Variants in LEMD1 observed in about 807,000 individuals in gnomAD.
LEMD1 encodes LEM domain containing 1.
A neutral mutation model predicts 17.4 loss-of-function variants in LEMD1; 18 were observed. The observed-to-expected ratio is 1.04, with a 90% confidence interval of 0.72 to 1.54. The LOEUF is 1.54. Among genes scored for constraint, LEMD1 ranks in the 40% most tolerant of loss-of-function variants. The probability of loss-of-function intolerance (pLI) is 0.00; values close to 1 mark genes in which losing one functional copy is unlikely to be tolerated. For synonymous variants in LEMD1, 88 were observed against 77.8 expected (o/e 1.13, Z -0.69); for missense variants, 195 against 210.4 (o/e 0.93, Z 0.45).
At chr1:205,396,666 G>A (rs1479644915) in intron 4 of LEMD1, among the ~76,000 whole-genome samples, 1 of 152,134 alleles carries the variant, frequency 6.6e-6, no homozygotes, top group Non-Finnish European at 1.5e-5. Flanking sequence ...GATGCTGCAT[G>A]GTAAGGGAAG....
chr1:205,390,082 A>T, intron 4 of LEMD1, among the ~76,000 whole-genome samples: 1 of 151,970 alleles, frequency 6.6e-6, no homozygotes, highest in East Asian at 1.9e-4. Context: ...CAACCAGGGG[A>T]GGTGGCTCAC....
intron 1 of LEMD1, among the ~76,000 whole-genome samples, chr1:205,449,019 G>A (rs1666451143): frequency 6.6e-6 from 1 of 152,152 alleles, no homozygotes; most frequent in Non-Finnish European, 1.5e-5. Context: ...GTTTAGAGGA[G>A]AGTGAGATCT....
chr1:205,416,900 T>C (rs1445460719), intron 3 of LEMD1, among the ~76,000 whole-genome samples: 1 of 152,116 alleles, frequency 6.6e-6, no homozygotes. Context: ...GACAAGACAG[T>C]CAGTTAGTGA....
chr1:205,395,918 A>ATTGCAATAATAAAATACCATC, intron 4 of LEMD1, among the ~76,000 whole-genome samples: 1 of 152,232 alleles, frequency 6.6e-6, no homozygotes. Flanking sequence ...ATACATAAAA[A>ATTGCAATAATAAAATACCATC]TTGCAATAAT....
At chr1:205,425,552 G>A (rs1417410780), upstream of LEMD1, among the ~76,000 whole-genome samples, 1 of 152,134 alleles carries the variant, frequency 6.6e-6, no homozygotes, top group African/African-American at 2.4e-5. Flanking sequence ...TTCAGTTACT[G>A]AGCACCTACT....
chr1:205,419,470 T>A, intron 2 of LEMD1, 118 bp from the exon 3 acceptor site: 1 of 1,173,800 alleles, frequency 8.5e-7, no homozygotes, highest in Non-Finnish European at 1.2e-6. Context: ...ATTGGTTAAT[T>A]ATGGCTTTTA....
intron 1 of LEMD1, among the ~76,000 whole-genome samples, chr1:205,438,729 C>T (rs1055605880): frequency 1.3e-5 from 2 of 152,048 alleles, no homozygotes. Context: ...AACTGGACCT[C>T]CACTCAGAAC....
At chr1:205,421,476 T>C (rs1332015749) in intron 1 of LEMD1, among the ~76,000 whole-genome samples, 3 of 152,222 alleles carry the variant, frequency 2.0e-5, no homozygotes, top group East Asian at 1.9e-4. Flanking sequence ...TTTTAAATAA[T>C]GACTTTGCTT....
At position 205,436,234 on chromosome 1, in the gene LEMD1, G is replaced by A. The variant is rs566234743; in HGVS notation, c.-39+13634C>T. ...GAAAACCCTTGAACTCCAGACCTGG[G>A]GGGTGGTTTCTGTCAGCTCCTGAGC... On this transcript the variant is annotated intron_variant, in intron 1 of 3. Transcript: ENST00000367154. The A allele has an allele frequency of 3.3e-5, 5 of 152,278 alleles. No homozygotes were observed. In the East Asian group the frequency reaches 9.7e-4, roughly 29 times the overall value. The allele number at this position is 152,278 out of a possible 1,614,324, so 9.4% of individuals were successfully genotyped here. A position where few individuals can be genotyped will look rare whatever the true frequency, so the allele number is the denominator to read the frequency against.
chr1:205,431,966 C>T lies in LEMD1; in HGVS notation c.-38-11392G>A, dbSNP rs369157311. Among the ~76,000 whole-genome samples, 51 of 152,290 alleles carry T rather than the reference C, an allele frequency of 3.3e-4. No individual in the cohort carries two copies. The East Asian group carries it at 9.1e-3, about 27-fold the overall frequency. ...TCCTGACCTCGTGGTCCACCCACCT[C>T]GACCTCCCAAAGTGCTGGGATTACA... is the stretch of plus-strand genomic sequence containing the variant. On this transcript the variant is annotated intron_variant, in intron 1 of 3. Transcript: ENST00000367154.
intron 1 of LEMD1, among the ~76,000 whole-genome samples, chr1:205,432,297 ACTC>A (rs1274063447): frequency 1.3e-5 from 2 of 151,752 alleles, no homozygotes; most frequent in Admixed American, 6.6e-5. Context: ...GCCCCCAGCC[ACTC>A]CTCCTTTGTG....
chr1:205,411,502 G>A (rs574827705), intron 4 of LEMD1, among the ~76,000 whole-genome samples: 5 of 148,336 alleles, frequency 3.4e-5, no homozygotes, highest in Non-Finnish European at 7.4e-5. Flanking sequence ...CTTGCAGTGA[G>A]CCAAGATTGT....
intron 1 of LEMD1, chr1:205,437,236 G>A (rs1666225376): frequency 6.6e-6 from 1 of 152,398 alleles, no homozygotes; most frequent in Non-Finnish European, 1.5e-5. Flanking sequence ...AAGCCCATGG[G>A]TTACATAACT....
rs1666295717 is a variant in LEMD1, at chr1:205,441,669, G to A, written c.-39+8199C>T. On this transcript the variant is annotated intron_variant, in intron 1 of 3. Transcript: ENST00000367154. The surrounding 1 kb of genome is among the most constrained non-coding windows in gnomAD (Gnocchi z 4.3). ...CCTTCCTTTGACTGCTCAGGGCAAT[G>A]CAAATCCCATCCTCACCATGCAGAG... Among the ~76,000 whole-genome samples, 2 of 152,202 alleles carry A rather than the reference G, an allele frequency of 1.3e-5. No homozygotes were observed. Among genetic ancestry groups the A allele is most frequent in the African/African-American group, 4.8e-5 (2 of 41,460 alleles).
chr1:205,448,542 C>A lies in LEMD1; in HGVS notation c.-39+1326G>T. 1 of 368,204 alleles carries A rather than the reference C, an allele frequency of 2.7e-6. No individual in the cohort carries two copies. The highest frequency in any genetic ancestry group is 2.1e-5 in the South Asian group (1 of 48,612). 22.8% of individuals were successfully genotyped at this position (368,204 alleles called of 1,614,324 possible). A position where few individuals can be genotyped will look rare whatever the true frequency, so the allele number is the denominator to read the frequency against. ...CTGGGCCCCCCAGGTTAAATTCTCT[C>A]ACCATCTTCCACCACCTGCACTAAA... On this transcript the variant is annotated intron_variant, in intron 1 of 3. Transcript: ENST00000367154. This position sits in a 1 kb window ranked among gnomAD's most constrained non-coding sequence, Gnocchi z 4.7.
chr1:205,425,779 A>C (rs1478344597), upstream of LEMD1, among the ~76,000 whole-genome samples: 2 of 152,248 alleles, frequency 1.3e-5, no homozygotes, highest in Non-Finnish European at 2.9e-5. Flanking sequence ...TGTATAACAA[A>C]GGGGAAAATG....
intron 4 of LEMD1, among the ~76,000 whole-genome samples, chr1:205,400,772 A>T (rs532641693): frequency 6.6e-6 from 1 of 151,470 alleles, no homozygotes; most frequent in Admixed American, 6.6e-5. Flanking sequence ...ATATGTATAC[A>T]TGTGCCATGC....
At chr1:205,420,815 C>T (rs1421537158) in intron 1 of LEMD1, among the ~76,000 whole-genome samples, 2 of 152,182 alleles carry the variant, frequency 1.3e-5, no homozygotes, top group Non-Finnish European at 2.9e-5. Flanking sequence ...TTAGTTACAA[C>T]TGTTCTGTTC....
At chr1:205,426,754 A>G (rs544047120), upstream of LEMD1, among the ~76,000 whole-genome samples, 2 of 152,142 alleles carry the variant, frequency 1.3e-5, no homozygotes, top group Non-Finnish European at 2.9e-5. Flanking sequence ...AGGTCCCTTC[A>G]GGTTCCAGGA....
Sources: gnomAD v4.1 joint callset for allele counts (sites outside exome capture counted in the v4.1 genomes callset) on GRCh38, gnomAD v4.1.1 for gene constraint, Gnocchi (gnomAD v3.1) non-coding constraint, MANE v1.5 for transcripts, NCBI Gene and HGNC (gene_info 2026-07-23, HGNC 2026-07-21) for gene names.